KSR2: variants seen among roughly 807,000 people sequenced by gnomAD.
KSR2 encodes kinase suppressor of ras 2.
KSR2 carries 25 observed loss-of-function variants against 107.8 expected under a neutral mutation model. The ratio of observed to expected loss-of-function variants is 0.23; its 90% CI spans 0.17 to 0.32. KSR2 has a LOEUF of 0.32. Ranked by LOEUF, KSR2 falls within the 10% of genes least tolerant of loss-of-function variation. The pLI, the probability that KSR2 is intolerant of heterozygous loss-of-function variation, is 1.00. For synonymous variants in KSR2, 480 were observed against 507.0 expected, an observed-to-expected ratio of 0.95 and a Z score of 0.71; for missense variants, 887 against 1,268.9, an observed-to-expected ratio of 0.70 and a Z score of 4.57.
chr12:117,483,982 C>T (rs1439526618), intron 16 of KSR2, among the ~76,000 whole-genome samples: 1 of 152,194 alleles, frequency 6.6e-6, no homozygotes, highest in Non-Finnish European at 1.5e-5. Flanking sequence ...AGTGGAAGAG[C>T]TGTGTCAGGC....
intron 1 of KSR2, among the ~76,000 whole-genome samples, chr12:117,909,515 G>A (rs1455122859): frequency 6.6e-6 from 1 of 152,142 alleles, no homozygotes; most frequent in East Asian, 1.9e-4. Flanking sequence ...TTAATCTCAG[G>A]GAACATTTTA....
At chr12:117,730,597 G>A (rs911261547) in intron 4 of KSR2, among the ~76,000 whole-genome samples, 3 of 151,972 alleles carry the variant, frequency 2.0e-5, no homozygotes, top group Admixed American at 6.6e-5. Context: ...TCGGCTCACC[G>A]CATCCTCCCT....
intron 1 of KSR2, among the ~76,000 whole-genome samples, chr12:117,892,659 T>C (rs1894379664): frequency 6.6e-6 from 1 of 152,108 alleles, no homozygotes; most frequent in Non-Finnish European, 1.5e-5. Context: ...ATATATATCA[T>C]CTGTGGCTGC....
intron 5 of KSR2, among the ~76,000 whole-genome samples, chr12:117,641,572 A>G (rs945384045): frequency 1.3e-5 from 2 of 152,116 alleles, no homozygotes; most frequent in African/African-American, 2.4e-5. Context: ...TTATAAGGAC[A>G]TCAGTCACAT....
chr12:117,910,145 C>T (rs1367397530), intron 1 of KSR2, among the ~76,000 whole-genome samples: 1 of 152,072 alleles, frequency 6.6e-6, no homozygotes, highest in Non-Finnish European at 1.5e-5. Flanking sequence ...GCAGGAGGAT[C>T]ACTTTAGCCT....
In KSR2 at chr12:117,718,097, G is replaced by T. The variant is rs890286927; in HGVS notation, c.986+42914C>A. The stretch of plus-strand genomic sequence containing the variant: ...TTTGTGGGAGAAGCCAGTTTAAGTT[G>T]AGATTTAAACACTTAGAAAGAGATA... On this transcript the variant is annotated intron_variant, in intron 4 of 19. Transcript: ENST00000339824. Among the ~76,000 whole-genome samples the T allele has an allele frequency of 2.0e-5, 3 of 152,160 alleles. No homozygotes were observed. The East Asian group carries it at 5.8e-4, about 29-fold the overall frequency.
At chr12:117,815,978 A>G (rs1448402202) in intron 3 of KSR2, among the ~76,000 whole-genome samples, 1 of 147,496 alleles carries the variant, frequency 6.8e-6, no homozygotes, top group East Asian at 2.0e-4. Context: ...CTGTCTCAAA[A>G]AAAAAAAATA....
chr12:117,518,696 C>G (rs1239433140), intron 14 of KSR2, among the ~76,000 whole-genome samples: 2 of 152,232 alleles, frequency 1.3e-5, no homozygotes, highest in Admixed American at 1.3e-4. Flanking sequence ...CTATGGCATT[C>G]AAAGCCTTGC....
intron 3 of KSR2, among the ~76,000 whole-genome samples, chr12:117,777,175 C>CTATATATATATATA (rs56862811): frequency 3.7e-4 from 51 of 136,800 alleles, no homozygotes; most frequent in East Asian, 1.7e-3. Context: ...CATATATACA[C>CTATATATATATATA]TATATATATA....
chr12:117,725,413 A>G (rs928771807), intron 4 of KSR2, among the ~76,000 whole-genome samples: 2 of 152,190 alleles, frequency 1.3e-5, no homozygotes, highest in Non-Finnish European at 2.9e-5. Context: ...TTTGATGAAG[A>G]TATCAAGTCA....
At chr12:117,586,549 T>C (rs1392453962) in intron 5 of KSR2, among the ~76,000 whole-genome samples, 1 of 141,070 alleles carries the variant, frequency 7.1e-6, no homozygotes, top group Non-Finnish European at 1.5e-5. Flanking sequence ...GTCGCGCCAT[T>C]GCACTCCAGC....
intron 1 of KSR2, among the ~76,000 whole-genome samples, chr12:117,962,994 G>A (rs375803470): frequency 6.6e-6 from 1 of 151,052 alleles, no homozygotes. Flanking sequence ...AGACCAGCCT[G>A]GCCAATAGGC....
At chr12:117,684,296 G>C (rs1384391741) in intron 4 of KSR2, among the ~76,000 whole-genome samples, 2 of 152,208 alleles carry the variant, frequency 1.3e-5, no homozygotes, top group Non-Finnish European at 2.9e-5. Flanking sequence ...TGGTTTGGGA[G>C]TGCTGGGAAG....
At chr12:117,822,514 C>A (rs1891601069) in intron 3 of KSR2, among the ~76,000 whole-genome samples, 1 of 152,198 alleles carries the variant, frequency 6.6e-6, no homozygotes, top group African/African-American at 2.4e-5. Context: ...ATACAGCCAA[C>A]CTACCACACA....
intron 4 of KSR2, among the ~76,000 whole-genome samples, chr12:117,739,165 C>CCA (rs1888065676): frequency 6.6e-6 from 1 of 152,132 alleles, no homozygotes; most frequent in African/African-American, 2.4e-5. Flanking sequence ...ACTATCCTGG[C>CCA]TGACACGGTG....
chr12:117,827,645 T>C (rs1891808928), intron 3 of KSR2, among the ~76,000 whole-genome samples: 1 of 152,252 alleles, frequency 6.6e-6, no homozygotes, highest in Admixed American at 6.5e-5. Context: ...CTGCTATTGA[T>C]ATTGTGGATA....
intron 1 of KSR2, among the ~76,000 whole-genome samples, chr12:117,967,419 G>T (rs1353873825): frequency 6.6e-6 from 1 of 151,692 alleles, no homozygotes; most frequent in African/African-American, 2.4e-5. Context: ...CCTTTTGTAC[G>T]TTTTAGGCCT....
At chr12:117,883,857 C>T (rs1445559620) in intron 1 of KSR2, among the ~76,000 whole-genome samples, 1 of 115,150 alleles carries the variant, frequency 8.7e-6, no homozygotes, top group Non-Finnish European at 1.7e-5. Flanking sequence ...GCCTGGGCGA[C>T]AGAGCAAGTC....
chr12:117,636,962 G>A (rs1883116443), intron 5 of KSR2, among the ~76,000 whole-genome samples: 1 of 152,030 alleles, frequency 6.6e-6, no homozygotes, highest in South Asian at 2.1e-4. Context: ...TAAAAAAAAA[G>A]AGAGGTAATT....
Sources: gnomAD v4.1 joint callset for allele counts (sites outside exome capture counted in the v4.1 genomes callset) on GRCh38, gnomAD v4.1.1 for gene constraint, MANE v1.5 for transcripts, NCBI Gene and HGNC (gene_info 2026-07-23, HGNC 2026-07-21) for gene names.